ZNF609: variants seen among roughly 807,000 people sequenced by gnomAD.
ZNF609 encodes the protein zinc finger protein 609.
A neutral mutation model predicts 109.5 loss-of-function variants in ZNF609; 11 were observed. The observed-to-expected ratio is 0.10, with a 90% CI of 0.06 to 0.17. The LOEUF (loss-of-function observed/expected upper bound fraction) is 0.17. ZNF609 is among the 10% of genes least tolerant of loss of function. The pLI is 1.00. For missense variants in ZNF609, 1,559 were observed against 1,772.4 expected, an observed-to-expected ratio of 0.88 and a Z score of 2.16; for synonymous variants, 646 against 662.0, an observed-to-expected ratio of 0.98 and a Z score of 0.37.
At position 64,678,237 on chromosome 15, in the gene ZNF609, A is replaced by G. The variant is rs149149419; in HGVS notation, c.3524A>G (p.Lys1175Arg). ...RKLKEERSRS[K>R]DSVPKEDGKE... ...TTGAAGGAGGAAAGGAGTCGGAGTA[A>G]GGACTCTGTCCCCAAGGAAGATGGG... Residue 1175 changes from lysine to arginine, a missense_variant, in exon 6 of 10, where the codon AAG becomes AGG. Transcript: ENST00000326648. 9 of 1,614,068 alleles carry G rather than the reference A, an allele frequency of 5.6e-6. No individual in the cohort carries two copies. The highest frequency in any genetic ancestry group is 3.3e-4 in the Middle Eastern group (2 of 6,084).
chr15:64,499,470 G>T lies in ZNF609; in HGVS notation c.51G>T (p.Pro17=), dbSNP rs200786851. 2.5e-6 allele frequency: 4 copies of T among 1,614,074 alleles called. No homozygotes were observed. The highest frequency in any genetic ancestry group is 3.4e-6 in the Non-Finnish European group (4 of 1,180,024). Residue 17 remains proline, a synonymous_variant, in exon 2 of 10, where the codon CCG becomes CCT. Transcript: ENST00000326648. ...ASGGKGVDAN[P]VETYDSGDEW... Reference sequence around the variant, plus strand: ...GAGGGAAAGGAGTGGATGCAAACCCGGTTGAGACATACGACAGTGGGGATG... The same window carrying T: ...GAGGGAAAGGAGTGGATGCAAACCCTGTTGAGACATACGACAGTGGGGATG...
At chr15:64,591,700 G>A (rs1895300567) in intron 2 of ZNF609, among the ~76,000 whole-genome samples, 1 of 151,908 alleles carries the variant, frequency 6.6e-6, no homozygotes, top group South Asian at 2.1e-4. Context: ...GCAACATGGT[G>A]AGGTCCTATC....
At chr15:64,607,638 G>A (rs1895625248) in intron 2 of ZNF609, among the ~76,000 whole-genome samples, 1 of 150,948 alleles carries the variant, frequency 6.6e-6, no homozygotes, top group Admixed American at 6.6e-5. Flanking sequence ...CCGAGTAGCT[G>A]GAATTACAGG....
At chr15:64,560,245 A>C (rs1894654570) in intron 2 of ZNF609, among the ~76,000 whole-genome samples, 1 of 151,972 alleles carries the variant, frequency 6.6e-6, no homozygotes, top group Non-Finnish European at 1.5e-5. Flanking sequence ...ATGGGGTTTC[A>C]CCATGTTGGC....
At chr15:64,479,694 G>A (rs1182258741) in intron 1 of ZNF609, among the ~76,000 whole-genome samples, 1 of 152,008 alleles carries the variant, frequency 6.6e-6, no homozygotes, top group Non-Finnish European at 1.5e-5. Flanking sequence ...CGAGGTGGGC[G>A]GATCACTTGA....
intron 2 of ZNF609, among the ~76,000 whole-genome samples, chr15:64,512,663 T>A (rs620171): frequency 0.75 from 113,661 of 151,882 alleles, 45,786 homozygotes; most frequent in East Asian, 0.96. Flanking sequence ...TGATTTTTTT[T>A]AAAATAAATA....
At chr15:64,504,316 G>T (rs962934027) in intron 2 of ZNF609, among the ~76,000 whole-genome samples, 1 of 152,204 alleles carries the variant, frequency 6.6e-6, no homozygotes, top group Non-Finnish European at 1.5e-5. Context: ...TAAGACCAGT[G>T]AAGTCCTGTG....
chr15:64,551,848 G>C (rs879537366), intron 2 of ZNF609, among the ~76,000 whole-genome samples: 2 of 149,024 alleles, frequency 1.3e-5, no homozygotes, highest in African/African-American at 4.9e-5. Context: ...TTAGCCAGGC[G>C]TGGTGGCAGG....
In ZNF609 at chr15:64,680,334, A is replaced by T. The variant is rs757003531; in HGVS notation, c.3919A>T (p.Ser1307Cys). Residue 1307 changes from serine to cysteine, a missense_variant, in exon 7 of 10, where the codon AGT becomes TGT. Ser to Cys is a moderately radical substitution (Grantham distance 112). Coordinates refer to ENST00000326648, the MANE Select transcript of ZNF609 (RefSeq NM_015042.2). ...KALDILQQHA[S>C]HYKSKSPTIS... ...CCTGGACATCTTGCAGCAGCATGCC[A>T]GTCACTACAAGAGCAAGTCTCCCAC... 1 of 1,614,222 alleles carries T rather than the reference A, an allele frequency of 6.2e-7. No individual in the cohort carries two copies.
At chr15:64,500,573 G>C in intron 2 of ZNF609, 1 of 602,566 alleles carries the variant, frequency 1.7e-6, no homozygotes, top group Non-Finnish European at 2.9e-6. Context: ...ATACGCCTTT[G>C]GTGATAATGT....
At chr15:64,615,845 C>G (rs1595740144) in intron 2 of ZNF609, among the ~76,000 whole-genome samples, 1 of 152,182 alleles carries the variant, frequency 6.6e-6, no homozygotes, top group South Asian at 2.1e-4. Flanking sequence ...TCTGAACATT[C>G]ATGTACCAAC....
chr15:64,610,555 C>T (rs1326439059), intron 2 of ZNF609, among the ~76,000 whole-genome samples: 5 of 151,996 alleles, frequency 3.3e-5, no homozygotes, highest in East Asian at 1.9e-4. Flanking sequence ...AGACTGAGGC[C>T]GGAGGATCGT....
chr15:64,616,080 G>A (rs1458328075), intron 2 of ZNF609, among the ~76,000 whole-genome samples: 1 of 151,900 alleles, frequency 6.6e-6, no homozygotes, highest in Non-Finnish European at 1.5e-5. Context: ...GCGCAGTGGT[G>A]CAGTCATAGC....
intron 3 of ZNF609, among the ~76,000 whole-genome samples, chr15:64,650,417 C>A (rs201899762): frequency 1.7e-3 from 215 of 124,100 alleles, no homozygotes; most frequent in Middle Eastern, 4.0e-3. Context: ...GCTCCATCTC[C>A]AAAAAAAAAA....
chr15:64,495,033 C>T lies in ZNF609; in HGVS notation c.-127-4260C>T, dbSNP rs150757848. On this transcript the variant is annotated intron_variant, in intron 1 of 9. Coordinates refer to ENST00000326648, the MANE Select transcript of ZNF609 (RefSeq NM_015042.2). Reference sequence around the variant, plus strand: ...AGCATAGATCATCAGATGTTTTTTTCGCCTCCAGCTACCGTTTCAGAAAAA... The same window carrying T: ...AGCATAGATCATCAGATGTTTTTTTTGCCTCCAGCTACCGTTTCAGAAAAA... Among the ~76,000 whole-genome samples the T allele has an allele frequency of 4.2e-3, 642 of 152,072 alleles. 8 individuals are homozygous for T. The highest frequency in any genetic ancestry group is 0.015 in the African/African-American group (609 of 41,486).
chr15:64,577,691 G>GTA (rs891905022), intron 2 of ZNF609, among the ~76,000 whole-genome samples: 2 of 140,870 alleles, frequency 1.4e-5, no homozygotes, highest in African/African-American at 2.6e-5. Context: ...ATATATATGT[G>GTA]TATATATATA....
intron 2 of ZNF609, among the ~76,000 whole-genome samples, chr15:64,527,390 C>T (rs1277174978): frequency 2.0e-5 from 3 of 148,484 alleles, no homozygotes; most frequent in Admixed American, 6.8e-5. Context: ...TGCTTATTTT[C>T]AGAGTTCAGT....
intron 1 of ZNF609, among the ~76,000 whole-genome samples, chr15:64,478,155 G>GGTGTGTGTGTGTGTGT (rs149241970): frequency 1.4e-5 from 2 of 138,196 alleles, no homozygotes; most frequent in East Asian, 2.3e-4. Context: ...TTAGAATAAA[G>GGTGTGTGTGTGTGTGT]GTGTGTGTGT....
chr15:64,493,744 C>T (rs1165265172), intron 1 of ZNF609, among the ~76,000 whole-genome samples: 3 of 152,186 alleles, frequency 2.0e-5, no homozygotes, highest in South Asian at 2.1e-4. Flanking sequence ...GCCTTGTGGT[C>T]TCTGTAAGAT....
Sources: gnomAD v4.1 joint callset for allele counts (sites outside exome capture counted in the v4.1 genomes callset) on GRCh38, gnomAD v4.1.1 for gene constraint, MANE v1.5 for transcripts, NCBI Gene and HGNC (gene_info 2026-07-23, HGNC 2026-07-21) for gene names.